The following NELL1 variants were observed in gnomAD, a reference collection of about 807,000 sequenced individuals.
NELL1 encodes protein kinase C-binding protein NELL1.
Under a neutral mutation model 107.4 loss-of-function variants are expected in NELL1, and 76 were observed. The observed-to-expected ratio is 0.71, with a 90% CI of 0.59 to 0.86. NELL1 has a LOEUF of 0.86. Ranked by LOEUF, NELL1 falls within the 40% of genes least tolerant of loss-of-function variation. The pLI, the probability that NELL1 is intolerant of heterozygous loss-of-function variation, is 0.00. For synonymous variants in NELL1, 353 were observed against 341.2 expected, an observed-to-expected ratio of 1.03 and a Z score of -0.38; for missense variants, 1,024 against 1,005.5, an observed-to-expected ratio of 1.02 and a Z score of -0.25.
intron 14 of NELL1, among the ~76,000 whole-genome samples, chr11:21,252,609 AG>A (rs1425998980): frequency 6.6e-6 from 1 of 152,162 alleles, no homozygotes; most frequent in South Asian, 2.1e-4. Context: ...TTTAGTCAAA[AG>A]CTATCAAGTC....
intron 12 of NELL1, among the ~76,000 whole-genome samples, chr11:21,069,933 A>C (rs114505602): frequency 1.3e-5 from 2 of 152,216 alleles, no homozygotes; most frequent in Non-Finnish European, 2.9e-5. Flanking sequence ...TCCAACACAC[A>C]GTAAGTGCGC....
rs148625140 is a variant in NELL1, at chr11:21,362,279, C to G, written c.1550-8574C>G. On this transcript the variant is annotated intron_variant, in intron 14 of 19. Coordinates refer to ENST00000357134, the MANE Select transcript of NELL1 (RefSeq NM_006157.5). ...GTTATGGCTCTTTTGGTTCTAGCCACCCAGCAGAGCTACCATGCTCCAGGC... is the reference window on the plus strand; with the variant it reads ...GTTATGGCTCTTTTGGTTCTAGCCAGCCAGCAGAGCTACCATGCTCCAGGC... Among the ~76,000 whole-genome samples, 327 of 152,230 alleles carry G rather than the reference C, an allele frequency of 2.1e-3. 1 individual carries two copies. The highest frequency in any genetic ancestry group is 6.9e-3 in the African/African-American group (285 of 41,538).
chr11:20,863,051 C>T (rs965950270), intron 4 of NELL1, among the ~76,000 whole-genome samples: 12 of 152,186 alleles, frequency 7.9e-5, no homozygotes, highest in Non-Finnish European at 7.3e-5. Context: ...GCCCACCTTT[C>T]CCCCTTTTCT....
intron 2 of NELL1, among the ~76,000 whole-genome samples, chr11:20,752,104 G>A (rs1450383033): frequency 6.6e-6 from 1 of 152,086 alleles, no homozygotes; most frequent in Non-Finnish European, 1.5e-5. Flanking sequence ...CAGTACAGTG[G>A]TAAATAGAAA....
Position 20,725,965 on chromosome 11 carries a change from T to G in NELL1, c.184+47905T>G, listed in dbSNP as rs1047019833. ...CCATCTTTATGTCCATGTTTCCCAA[T>G]GTTTAGCTCCCAGTTGTGAGAACAT... On this transcript the variant is annotated intron_variant, in intron 2 of 19. Transcript: ENST00000357134. 2.6e-5 allele frequency among the ~76,000 whole-genome samples: 4 copies of G among 152,326 alleles called. No individual in the cohort carries two copies. The South Asian group carries it at 6.2e-4, about 24-fold the overall frequency.
chr11:21,204,062 C>T (rs555164739), intron 13 of NELL1, among the ~76,000 whole-genome samples: 12 of 152,114 alleles, frequency 7.9e-5, no homozygotes, highest in Admixed American at 7.9e-4. Flanking sequence ...TCATTTCATC[C>T]TTGGTGAATC....
intron 12 of NELL1, among the ~76,000 whole-genome samples, 185 bp downstream of exon 12, chr11:20,960,745 A>G (rs1851273693): frequency 6.6e-6 from 1 of 152,198 alleles, no homozygotes; most frequent in South Asian, 2.1e-4. Context: ...TAGCATGAGA[A>G]AGCAAGACCT....
At chr11:21,326,571 C>T (rs1590839783) in intron 14 of NELL1, among the ~76,000 whole-genome samples, 1 of 151,282 alleles carries the variant, frequency 6.6e-6, no homozygotes, top group Admixed American at 6.6e-5. Context: ...ATTTACCATC[C>T]CTAGCGATCT....
At chr11:20,872,118 G>A (rs568948860) in intron 4 of NELL1, among the ~76,000 whole-genome samples, 1 of 149,402 alleles carries the variant, frequency 6.7e-6, no homozygotes, top group African/African-American at 2.5e-5. Flanking sequence ...TCCCAGCCAA[G>A]CCTGACTCTG....
chr11:20,813,483 T>C (rs1857548549), intron 3 of NELL1, among the ~76,000 whole-genome samples: 1 of 152,072 alleles, frequency 6.6e-6, no homozygotes, highest in South Asian at 2.1e-4. Context: ...AAAAAACCAT[T>C]GCTGGCTCAT....
In NELL1 at chr11:21,518,565, TA is replaced by T. The variant is rs541203846; in HGVS notation, c.1646-15806del. Among the ~76,000 whole-genome samples, 658 of 152,214 alleles carry T rather than the reference TA, an allele frequency of 4.3e-3. 5 individuals are homozygous for T. Among genetic ancestry groups the T allele is most frequent in the Middle Eastern group, 0.031 (9 of 294 alleles). On this transcript the variant is annotated intron_variant, in intron 15 of 19. Coordinates refer to ENST00000357134, the MANE Select transcript of NELL1 (RefSeq NM_006157.5). The stretch of plus-strand genomic sequence containing the variant: ...GTATTCCTCCTTTTAAGCCGGAAAA[TA>T]AAGCATCATTCAGAATAGAATTCTT...
chr11:21,463,615 G>A (rs1853952978), intron 15 of NELL1, among the ~76,000 whole-genome samples: 1 of 152,044 alleles, frequency 6.6e-6, no homozygotes, highest in Non-Finnish European at 1.5e-5. Flanking sequence ...TAAGCTAAAG[G>A]ATAAGAACTA....
At chr11:21,486,518 T>A (rs1854636399) in intron 15 of NELL1, among the ~76,000 whole-genome samples, 1 of 152,100 alleles carries the variant, frequency 6.6e-6, no homozygotes, top group South Asian at 2.1e-4. Flanking sequence ...TAGAAGTGAC[T>A]GTTATACAAG....
intron 15 of NELL1, among the ~76,000 whole-genome samples, chr11:21,514,970 C>T (rs1230376714): frequency 6.6e-6 from 1 of 152,114 alleles, no homozygotes; most frequent in Non-Finnish European, 1.5e-5. Context: ...TAGAATCCTT[C>T]TTAGAGGGGT....
At chr11:21,383,812 C>A (rs549259645) in intron 15 of NELL1, 3 of 151,574 alleles carry the variant, frequency 2.0e-5, no homozygotes, top group African/African-American at 7.2e-5. Context: ...TTTTACAATA[C>A]CCAATATTAC....
chr11:21,298,062 C>CA (rs1053618221), intron 14 of NELL1, among the ~76,000 whole-genome samples: 3 of 151,916 alleles, frequency 2.0e-5, no homozygotes, highest in African/African-American at 7.2e-5. Flanking sequence ...CATTTTACCC[C>CA]AAAAAGTCTG....
chr11:20,708,288 C>T (rs557278470), intron 2 of NELL1, among the ~76,000 whole-genome samples: 56 of 152,354 alleles, frequency 3.7e-4, no homozygotes, highest in African/African-American at 1.3e-3. Flanking sequence ...ATCCCTTGCA[C>T]TTCCCGGGTG....
chr11:21,541,169 C>T (rs1207706213), intron 16 of NELL1, among the ~76,000 whole-genome samples: 1 of 151,962 alleles, frequency 6.6e-6, no homozygotes, highest in Non-Finnish European at 1.5e-5. Context: ...CAAGAAAGCC[C>T]ATGTTGTTGC....
intron 12 of NELL1, among the ~76,000 whole-genome samples, chr11:21,053,069 G>A (rs560983164): frequency 9.2e-5 from 14 of 152,232 alleles, no homozygotes; most frequent in South Asian, 8.3e-4. Context: ...GAGGGCTCCC[G>A]TCCCAACCTG....
Sources: allele counts gnomAD v4.1 joint callset (sites outside exome capture counted in the v4.1 genomes callset), GRCh38; gene constraint gnomAD v4.1.1; transcripts MANE v1.5; gene names NCBI Gene and HGNC (gene_info 2026-07-23, HGNC 2026-07-21).